Variants in OCM2 observed in about 807,000 individuals in gnomAD.
The protein encoded by OCM2 is oncomodulin 2.
Under a neutral mutation model 13.6 loss-of-function variants are expected in OCM2, and 6 were observed. That is an observed-to-expected ratio of 0.44 (90% CI 0.24 to 0.87). The LOEUF is 0.87. Among genes scored for constraint, OCM2 ranks in the 40% least tolerant of loss-of-function variants. The probability of loss-of-function intolerance (pLI) is 0.22; values close to 1 mark genes in which losing one functional copy is unlikely to be tolerated. For synonymous variants in OCM2, 40 were observed against 50.7 expected (o/e 0.79, Z 0.90); for missense variants, 118 against 136.8 (o/e 0.86, Z 0.68).
chr7:97,985,128 A>G (rs1584168870), intron 3 of OCM2, 145 bp from the exon 4 acceptor site: 1 of 646,494 alleles, frequency 1.5e-6, no homozygotes, highest in East Asian at 2.7e-5. Flanking sequence ...GGCACAAAAG[A>G]AAGAAAAACT....
intron 1 of OCM2, 141 bp from the exon 2 acceptor site, chr7:97,988,689 G>A: frequency 1.7e-6 from 2 of 1,172,922 alleles, no homozygotes; most frequent in Non-Finnish European, 2.5e-6. Context: ...CTAAGATTTT[G>A]GGACAGCCAA....
In OCM2 at chr7:97,985,431, A is replaced by AAAAGAAAG. The variant is rs1554366491; in HGVS notation, c.305-456_305-449dup. Among the ~76,000 whole-genome samples the AAAAGAAAG allele has an allele frequency of 1.5e-3, 193 of 131,532 alleles. 3 individuals carry two copies. The highest frequency in any genetic ancestry group is 2.8e-3 in the South Asian group (11 of 3,880). 86.3% of individuals were successfully genotyped at this position (131,532 alleles called of 152,430 possible). On this transcript the variant is annotated intron_variant, in intron 3 of 3. Coordinates refer to ENST00000257627, the Ensembl canonical transcript of OCM2. The stretch of plus-strand genomic sequence containing the variant: ...CAGACTCCATCTCAAAAAAAAAAAA[A>AAAAGAAAG]AAAGAAAGAAAGAAAGAAAGAAAGA...
At chr7:97,989,938 G>A (rs1427816487) in intron 1 of OCM2, 106 bp downstream of exon 1, 60 of 1,126,224 alleles carry the variant, frequency 5.3e-5, no homozygotes, top group Admixed American at 2.1e-4. Flanking sequence ...GATTACAGGC[G>A]TGAGCCACTG....
chr7:97,987,179 G>A (rs1562865574), intron 2 of OCM2, 23 bp from the exon 3 acceptor site: 7 of 1,612,632 alleles, frequency 4.3e-6, no homozygotes, highest in Non-Finnish European at 5.9e-6. Flanking sequence ...AAAGATCCAT[G>A]GGGATTTTCA....
At chr7:97,986,702 A>C (rs1700697643) in intron 3 of OCM2, among the ~76,000 whole-genome samples, 1 of 152,204 alleles carries the variant, frequency 6.6e-6, no homozygotes. Flanking sequence ...TTCAAACCCC[A>C]CTGGTAGAAA....
intron 3 of OCM2, among the ~76,000 whole-genome samples, 159 bp from the exon 4 acceptor site, chr7:97,985,142 C>A (rs1275682034): frequency 1.3e-5 from 2 of 152,032 alleles, no homozygotes; most frequent in African/African-American, 4.8e-5. Context: ...AAAAACTGGC[C>A]GGGCACAGTG....
intron 1 of OCM2, 28 bp downstream of exon 1, chr7:97,990,016 T>TGGG: frequency 1.2e-4 from 135 of 1,083,682 alleles, no homozygotes; most frequent in Non-Finnish European, 1.7e-4. Flanking sequence ...TGTGAGGAAA[T>TGGG]CCCACCCCCG....
chr7:97,985,758 A>G (rs887777866), intron 3 of OCM2, among the ~76,000 whole-genome samples: 1 of 152,148 alleles, frequency 6.6e-6, no homozygotes. Flanking sequence ...ACTTTCCTCC[A>G]TTGAACCAAA....
intron 1 of OCM2, 28 bp downstream of exon 1, chr7:97,990,016 T>TGGCCCCCCCC: frequency 1.8e-6 from 2 of 1,083,838 alleles, no homozygotes; most frequent in Non-Finnish European, 2.8e-6. Flanking sequence ...TGTGAGGAAA[T>TGGCCCCCCCC]CCCACCCCCG....
intron 3 of OCM2, among the ~76,000 whole-genome samples, chr7:97,985,836 G>A (rs1794666115): frequency 6.6e-6 from 1 of 152,126 alleles, no homozygotes; most frequent in African/African-American, 2.4e-5. Context: ...GTTACAGATT[G>A]ATATAAAAAA....
At chr7:97,985,280 G>C (rs1414719689) in intron 3 of OCM2, among the ~76,000 whole-genome samples, 1 of 151,930 alleles carries the variant, frequency 6.6e-6, no homozygotes, top group East Asian at 1.9e-4. Flanking sequence ...TTAGCCGGGC[G>C]TGGTGGCATG....
At chr7:97,986,933 G>A (rs1329152063) in intron 3 of OCM2, 114 bp downstream of exon 3, 10 of 1,504,418 alleles carry the variant, frequency 6.6e-6, no homozygotes, top group South Asian at 3.8e-5. Context: ...ACTGAGGCTC[G>A]GTAAGGTTAA....
intron 1 of OCM2, among the ~76,000 whole-genome samples, chr7:97,988,931 T>C (rs2116140702): frequency 9.3e-6 from 1 of 107,488 alleles, no homozygotes; most frequent in East Asian, 2.3e-4. Flanking sequence ...ATTTCTTTCT[T>C]TCTTTTTTTT....
Position 97,989,740 on chromosome 7 carries a change from A to T in OCM2, c.61+304T>A, listed in dbSNP as rs535058699. ...TTTTTTTTTTTTGTAGACAGAGTCT[A>T]CAAAAAAGGCCGGGTTCAAGCAATT... On this transcript the variant is annotated intron_variant, in intron 1 of 3. Transcript: ENST00000257627. Among the ~76,000 whole-genome samples, 8 of 146,550 alleles carry T rather than the reference A, an allele frequency of 5.5e-5. No homozygotes were observed. The East Asian group carries it at 1.6e-3, about 30-fold the overall frequency.
exon 2 of OCM2, chr7:97,988,459 T>C (rs770228085): frequency 1.2e-5 from 19 of 1,614,198 alleles, no homozygotes; most frequent in South Asian, 9.9e-5. Context: ...TCGTTGTCTA[T>C]GAACCGGAAA....
intron 3 of OCM2, 113 bp from the exon 4 acceptor site, chr7:97,985,096 G>A: frequency 3.6e-6 from 4 of 1,118,368 alleles, no homozygotes; most frequent in South Asian, 2.6e-5. Context: ...ATTGTCAGAT[G>A]ATGGGCATGG....
At chr7:97,985,044 C>A in intron 3 of OCM2, 61 bp from the exon 4 acceptor site, 1 of 1,611,630 alleles carries the variant, frequency 6.2e-7, no homozygotes, top group Non-Finnish European at 8.5e-7. Context: ...ACAGACATGC[C>A]GTGGCCAGTG....
At chr7:97,988,300 C>G in intron 2 of OCM2, 116 bp downstream of exon 2, 1 of 1,307,732 alleles carries the variant, frequency 7.6e-7, no homozygotes, top group Non-Finnish European at 1.1e-6. Context: ...TGATGCTTGG[C>G]CGAATGACCA....
chr7:97,990,016 T>TGCCG, intron 1 of OCM2, 28 bp downstream of exon 1: 2 of 1,083,840 alleles, frequency 1.8e-6, no homozygotes, highest in Non-Finnish European at 2.8e-6. Flanking sequence ...TGTGAGGAAA[T>TGCCG]CCCACCCCCG....
Sources: gnomAD v4.1 joint callset for allele counts (sites outside exome capture counted in the v4.1 genomes callset) on GRCh38, gnomAD v4.1.1 for gene constraint, MANE v1.5 for transcripts, NCBI Gene and HGNC (gene_info 2026-07-23, HGNC 2026-07-21) for gene names.